Variants in HIRIP3 observed in about 807,000 individuals in gnomAD.
HIRIP3 encodes the protein HIRA interacting protein 3, also known as HIRA-interacting protein 3.
In HIRIP3, 40 loss-of-function variants were observed where a neutral mutation model predicts 50.3. The observed-to-expected ratio is 0.79, with a 90% CI of 0.62 to 1.03. HIRIP3 has a LOEUF of 1.03. Among genes scored for constraint, HIRIP3 ranks in the 50% least tolerant of loss-of-function variants. HIRIP3 has a pLI of 0.00. For missense variants in HIRIP3, 765 were observed against 705.4 expected (o/e 1.08, Z -0.96); for synonymous variants, 318 against 261.6 (o/e 1.22, Z -2.08).
Position 29,993,514 on chromosome 16 carries a change from C to A in HIRIP3, c.1452G>T (p.Arg484Ser). 1 of 1,613,934 alleles carries A rather than the reference C, an allele frequency of 6.2e-7. No homozygotes were observed. The highest frequency in any genetic ancestry group is 8.5e-7 in the Non-Finnish European group (1 of 1,179,866). The change falls in exon 6 of 7, where the codon AGG becomes AGT. Residue 484 changes from arginine to serine, a missense_variant. Arg to Ser is a moderately radical substitution (Grantham distance 110, BLOSUM62 -1). Transcript: ENST00000279392. The part of the protein sequence containing the change: ...LGKCRALKEQ[R>S]EEAAEVASLD... ...AGGAGGCCACCTCAGCTGCCTCCTCCCTCTGCTCCTTCAGGGCCCGACACT... is the reference window on the plus strand; with the variant it reads ...AGGAGGCCACCTCAGCTGCCTCCTCACTCTGCTCCTTCAGGGCCCGACACT...
chr16:29,994,719 G>A lies in HIRIP3; in HGVS notation c.426C>T (p.Ser142=). The change falls in exon 4 of 7, where the codon AGC becomes AGT. Residue 142 remains serine, a synonymous_variant. Transcript: ENST00000279392. ...GGTCCCTCTGCCGTTCCTCATCACT[G>A]CTCTCCTCAACTGCCTTTGAGGCTC... ...PRRASKAVEE[S]SDEERQRDLP... is the part of the protein sequence containing the mutation. The A allele has an allele frequency of 6.2e-7, 1 of 1,614,026 alleles. No individual in the cohort carries two copies. Among genetic ancestry groups the A allele is most frequent in the Non-Finnish European group, 8.5e-7 (1 of 1,179,960 alleles).
At position 29,995,196 on chromosome 16, in the gene HIRIP3, C is replaced by T. The variant is rs377465758; in HGVS notation, c.208G>A (p.Glu70Lys). Residue 70 changes from glutamate to lysine, a missense_variant, in exon 3 of 7, where the codon GAA becomes AAA. Transcript: ENST00000279392. ...TTCTTGGTAAGGTCCAGTTTGTCTT[C>T]CCTGGAAGCGGCTTCATCCACCTGT... ...KMQVDEAASR[E>K]DKLDLTKKGK... The T allele has an allele frequency of 2.1e-5, 34 of 1,614,148 alleles. No individual in the cohort carries two copies. The highest frequency in any genetic ancestry group is 2.8e-5 in the Non-Finnish European group (33 of 1,180,046).
chr16:29,995,794 G>A (rs977527107), upstream of HIRIP3: 10 of 667,204 alleles, frequency 1.5e-5, no homozygotes, highest in Non-Finnish European at 2.5e-5. Context: ...CAGTTGGAGG[G>A]TCTCGCGGCT....
chr16:29,995,490 G>C, intron 1 of HIRIP3, 27 bp from the exon 2 acceptor site: 1 of 1,613,712 alleles, frequency 6.2e-7, no homozygotes. Context: ...TCAGGACGGA[G>C]TCCCGACCCA....
chr16:29,993,407 G>C, intron 6 of HIRIP3, 37 bp from the exon 7 acceptor site: 1 of 1,580,282 alleles, frequency 6.3e-7, no homozygotes. Flanking sequence ...AGATGTCTGA[G>C]AAGGTCCAAC....
In HIRIP3 at chr16:29,993,719, C is replaced by T; in HGVS notation, c.1329G>A (p.Lys443=). ...IRACGAHRNY[K]KLLGSCCSHK... is the part of the protein sequence containing the mutation. Reference sequence around the variant, plus strand: ...GTGAGCAACAGGAGCCCAACAGCTTCTTGTAGTTTCGATGGGCACCACAGG... The same window carrying T: ...GTGAGCAACAGGAGCCCAACAGCTTTTTGTAGTTTCGATGGGCACCACAGG... The change falls in exon 5 of 7, where the codon AAG becomes AAA. Residue 443 remains lysine (K), a synonymous_variant. Coordinates refer to ENST00000279392, the MANE Select transcript of HIRIP3 (RefSeq NM_003609.5). The T allele has an allele frequency of 1.2e-6, 2 of 1,609,440 alleles. No homozygotes were observed. Among genetic ancestry groups the T allele is most frequent in the South Asian group, 1.1e-5 (1 of 91,092 alleles).
In HIRIP3 at chr16:29,993,250, G is replaced by C. The variant is rs763384043; in HGVS notation, c.1628C>G (p.Ser543Ter). Reference sequence around the variant, plus strand: ...ACTGCTGATGATGCCACGCATATGTGACCAGTCTGGGGGTGCGGGACGGGG... The same window carrying C: ...ACTGCTGATGATGCCACGCATATGTCACCAGTCTGGGGGTGCGGGACGGGG... ...ERPRPAPPDW[S>*]HMRGIISSDG... Residue 543 changes from serine (S) to a stop codon, truncating the protein, a stop_gained, in exon 7 of 7, where the codon TCA becomes TGA. Coordinates refer to ENST00000279392, the MANE Select transcript of HIRIP3 (RefSeq NM_003609.5). LOFTEE classifies it high-confidence loss of function. 1.3e-6 allele frequency: 2 copies of C among 1,586,224 alleles called. No homozygotes were observed. Among genetic ancestry groups the C allele is most frequent in the Admixed American group, 3.6e-5 (2 of 55,792 alleles).
At chr16:29,995,974 G>A (rs920330109), upstream of HIRIP3, 12 of 564,148 alleles carry the variant, frequency 2.1e-5, no homozygotes, top group Non-Finnish European at 3.2e-5. Flanking sequence ...AGGCATCCTC[G>A]CGAGCAGATG....
Position 29,994,292 on chromosome 16 carries a change from GC to G in HIRIP3, c.852del (p.Arg284SerfsTer46), listed in dbSNP as rs749808213. The stretch of plus-strand genomic sequence containing the variant: ...TCCTCGCTGTCTGAGTCTCCCAAGA[GC>G]CTCTTTGCCTGGCTTTTCTGCTTAC... ...RSCKQKSQAK[R>X]LLGDSDSEEE... On this transcript the variant is annotated frameshift_variant, in exon 4 of 7. Coordinates refer to ENST00000279392, the MANE Select transcript of HIRIP3 (RefSeq NM_003609.5). LOFTEE classifies it high-confidence loss of function. The G allele has an allele frequency of 6.2e-7, 1 of 1,614,104 alleles. No individual in the cohort carries two copies. Among genetic ancestry groups the G allele is most frequent in the South Asian group, 1.1e-5 (1 of 91,076 alleles).
chr16:29,993,368 G>C lies in HIRIP3; in HGVS notation c.1510C>G (p.Arg504Gly). ...TTCCAGGCTGTACGTCTGCGTGGCC[G>C]GCCTAGGGGAAAGGGGAAACGAGAG... ...DVANIISGSG[R>G]PRRRTAWNPL... is the part of the protein sequence containing the mutation. The change falls in exon 7 of 7, where the codon CGG becomes GGG. Residue 504 changes from arginine (R) to glycine (G), a missense_variant and splice_region_variant. Physicochemically the swap from Arg to Gly is moderately radical, Grantham distance 125 (BLOSUM62 -2). Coordinates refer to ENST00000279392, the MANE Select transcript of HIRIP3 (RefSeq NM_003609.5). 6.4e-7 allele frequency: 1 copy of C among 1,553,580 alleles called. No individual in the cohort carries two copies. Among genetic ancestry groups the C allele is most frequent in the Non-Finnish European group, 8.7e-7 (1 of 1,145,790 alleles).
At position 29,994,632 on chromosome 16, in the gene HIRIP3, A is replaced by C. The variant is rs781726964; in HGVS notation, c.513T>G (p.Thr171=). ...GCTTCTTTACCACAGGTTTCTTCCT[A>C]GTCTTCCCCTTGTACCCCTTTTCCT... The part of the protein sequence containing the change: ...EEEEKGYKGK[T]RKKPVVKKQA... The change falls in exon 4 of 7, where the codon ACT becomes ACG. Residue 171 remains threonine (T), a synonymous_variant. Transcript: ENST00000279392. 6.2e-7 allele frequency: 1 copy of C among 1,613,776 alleles called. No homozygotes were observed. The highest frequency in any genetic ancestry group is 1.1e-5 in the South Asian group (1 of 91,068).
chr16:29,994,890 C>T, intron 3 of HIRIP3, 47 bp from the exon 4 acceptor site: 2 of 1,543,622 alleles, frequency 1.3e-6, no homozygotes, highest in Non-Finnish European at 1.7e-6. Flanking sequence ...CCTCCTGTCC[C>T]TTCTCCCTTC....
In HIRIP3 at chr16:29,995,198, C is replaced by T. The variant is rs1171861123; in HGVS notation, c.206G>A (p.Arg69Lys). 6.2e-7 allele frequency: 1 copy of T among 1,614,236 alleles called. No individual in the cohort carries two copies. Among genetic ancestry groups the T allele is most frequent in the Non-Finnish European group, 8.5e-7 (1 of 1,180,044 alleles). The part of the protein sequence containing the change: ...LKMQVDEAAS[R>K]EDKLDLTKKG... ...CTTGGTAAGGTCCAGTTTGTCTTCC[C>T]TGGAAGCGGCTTCATCCACCTGTGT... Residue 69 changes from arginine (R) to lysine (K), a missense_variant, in exon 3 of 7, where the codon AGG (arginine) becomes AAG (lysine). Transcript: ENST00000279392.
rs1006344812 is a variant in HIRIP3, at chr16:29,992,551, G to C, written c.*656C>G. The C allele has an allele frequency of 6.6e-6, 1 of 152,258 alleles. No individual in the cohort carries two copies. Among genetic ancestry groups the C allele is most frequent in the Non-Finnish European group, 1.5e-5 (1 of 68,072 alleles). 9.4% of individuals were successfully genotyped at this position (152,258 alleles called of 1,614,324 possible). On this transcript the variant is annotated 3_prime_UTR_variant, in exon 7 of 7. Transcript: ENST00000279392. ...ATCTTCCCGCAAGCCTCAGCAGCCAGAGTTCAGTGGAGACCTCATGTGACT... is the reference window on the plus strand; with the variant it reads ...ATCTTCCCGCAAGCCTCAGCAGCCACAGTTCAGTGGAGACCTCATGTGACT...
At position 29,993,715 on chromosome 16, in the gene HIRIP3, GCTT is replaced by G. The variant is rs1251883321; in HGVS notation, c.1330_1332del (p.Lys444del). The G allele has an allele frequency of 2.5e-6, 4 of 1,609,612 alleles. No homozygotes were observed. The highest frequency in any genetic ancestry group is 3.4e-6 in the Non-Finnish European group (4 of 1,179,990). ...TTGTGTGAGCAACAGGAGCCCAACAGCTTCTTGTAGTTTCGATGGGCACCACAG... is the reference window on the plus strand; with the variant it reads ...TTGTGTGAGCAACAGGAGCCCAACAGCTTGTAGTTTCGATGGGCACCACAG... On this transcript the variant is annotated inframe_deletion, in exon 5 of 7. Transcript: ENST00000279392.
upstream of HIRIP3, chr16:29,995,911 A>C (rs1425591483): frequency 7.0e-6 from 4 of 570,306 alleles, no homozygotes; most frequent in Non-Finnish European, 1.3e-5. Context: ...TGCCTTTCTC[A>C]CTGGTCACGG....
chr16:29,993,167 T>C lies in HIRIP3; in HGVS notation c.*40A>G. ...CAGGGCAAGGGGTGCTATGTATGCTTTGTACATGTATCAAGGGTCCCTCCT... is the reference window on the plus strand; with the variant it reads ...CAGGGCAAGGGGTGCTATGTATGCTCTGTACATGTATCAAGGGTCCCTCCT... On this transcript the variant is annotated 3_prime_UTR_variant, in exon 7 of 7. Coordinates refer to ENST00000279392, the MANE Select transcript of HIRIP3 (RefSeq NM_003609.5). 6.5e-7 allele frequency: 1 copy of C among 1,539,676 alleles called. No homozygotes were observed. Among genetic ancestry groups the C allele is most frequent in the Non-Finnish European group, 8.8e-7 (1 of 1,142,546 alleles).
Position 29,993,533 on chromosome 16 carries a change from C to T in HIRIP3, c.1433G>A (p.Arg478Gln), listed in dbSNP as rs904812761. 10 of 1,613,754 alleles carry T rather than the reference C, an allele frequency of 6.2e-6. No homozygotes were observed. The East Asian group carries it at 6.7e-5, about 11-fold the overall frequency. ...MKGTPSLGKCRALKEQREEAA... is the reference protein window; with the variant it reads ...MKGTPSLGKCQALKEQREEAA... Reference sequence around the variant, plus strand: ...CTCCTCCCTCTGCTCCTTCAGGGCCCGACACTTCCCTAGGGAAGGGGTACC... The same window carrying T: ...CTCCTCCCTCTGCTCCTTCAGGGCCTGACACTTCCCTAGGGAAGGGGTACC... The change falls in exon 6 of 7, where the codon CGG becomes CAG. Residue 478 changes from arginine to glutamine, a missense_variant. Coordinates refer to ENST00000279392, the MANE Select transcript of HIRIP3 (RefSeq NM_003609.5).
In HIRIP3 at chr16:29,993,817, G is replaced by GA. The variant is rs753573330; in HGVS notation, c.1240-10dup. 10 of 1,613,630 alleles carry GA rather than the reference G, an allele frequency of 6.2e-6. No homozygotes were observed. The African/African-American group carries it at 1.1e-4, about 17-fold the overall frequency. On this transcript the variant is annotated splice_polypyrimidine_tract_variant and intron_variant, in intron 4 of 6. Transcript: ENST00000279392. ...CGGCGACCTGAGCCAGCCTAGCAAG[G>GA]AAAGAGCAGCTGAAGGCCAAGCCTG...
Sources: allele counts gnomAD v4.1 joint callset, GRCh38; gene constraint gnomAD v4.1.1; transcripts MANE v1.5; gene names NCBI Gene and HGNC (gene_info 2026-07-23, HGNC 2026-07-21).